The following USP10 variants were observed in gnomAD, a reference collection of about 807,000 sequenced individuals.
The protein encoded by USP10 is ubiquitin specific peptidase 10.
In USP10, 22 loss-of-function variants were observed where a neutral mutation model predicts 84.5. That is an observed-to-expected ratio of 0.26 (90% confidence interval 0.19 to 0.37). The LOEUF (loss-of-function observed/expected upper bound fraction) is 0.37. Among genes scored for constraint, USP10 ranks in the 10% least tolerant of loss-of-function variants. The pLI, the probability that USP10 is intolerant of heterozygous loss-of-function variation, is 1.00. For missense variants in USP10, 1,019 were observed against 998.9 expected (o/e 1.02, Z -0.27); for synonymous variants, 454 against 387.6 (o/e 1.17, Z -2.01).
chr16:84,763,178 C>G (rs574862595), intron 9 of USP10, 90 bp downstream of exon 9: 7 of 698,072 alleles, frequency 1.0e-5, no homozygotes, highest in African/African-American at 8.8e-5. Context: ...TTCCCTGCCC[C>G]TCAGTCGTTT....
intron 4 of USP10, among the ~76,000 whole-genome samples, chr16:84,750,087 C>G (rs543786994): frequency 6.6e-6 from 1 of 152,100 alleles, no homozygotes; most frequent in African/African-American, 2.4e-5. Flanking sequence ...GAGATGGTTG[C>G]CATTTATCAG....
At chr16:84,726,748 T>G (rs28602709) in intron 1 of USP10, among the ~76,000 whole-genome samples, 42,866 of 152,074 alleles carry the variant, frequency 0.28, 6,548 homozygotes, top group African/African-American at 0.42. Flanking sequence ...ATAAATAGCT[T>G]CTCTAGTTCA....
In USP10 at chr16:84,744,880, A is replaced by G. The variant is rs780916220; in HGVS notation, c.399A>G (p.Glu133=). 1.1e-5 allele frequency: 17 copies of G among 1,610,376 alleles called. No homozygotes were observed. The highest frequency in any genetic ancestry group is 1.4e-5 in the Non-Finnish European group (16 of 1,178,216). Residue 133 remains glutamate, a synonymous_variant, in exon 4 of 14, where the codon GAA becomes GAG. Coordinates refer to ENST00000219473, the MANE Select transcript of USP10 (RefSeq NM_005153.3). ...ALDGSSNVEA[E]VLENDGVSGG... is the part of the protein sequence containing the mutation. ...ATGGAAGTTCTAATGTGGAGGCGGAAGTTTTGGAAAATGATGGTGTCTCAG... is the reference window on the plus strand; with the variant it reads ...ATGGAAGTTCTAATGTGGAGGCGGAGGTTTTGGAAAATGATGGTGTCTCAG...
At chr16:84,761,659 C>T (rs114686537) in intron 8 of USP10, among the ~76,000 whole-genome samples, 2 of 152,238 alleles carry the variant, frequency 1.3e-5, no homozygotes, top group African/African-American at 4.8e-5. Context: ...CCCATAGGTA[C>T]CATCTGCCTG....
At chr16:84,750,807 G>C (rs2150833313) in intron 4 of USP10, among the ~76,000 whole-genome samples, 1 of 152,304 alleles carries the variant, frequency 6.6e-6, no homozygotes, top group South Asian at 2.1e-4. Context: ...CAGTGAGAGA[G>C]AACTAGGAAA....
At chr16:84,744,353 C>G (rs1910967339) in intron 3 of USP10, among the ~76,000 whole-genome samples, 1 of 152,102 alleles carries the variant, frequency 6.6e-6, no homozygotes, top group Non-Finnish European at 1.5e-5. Flanking sequence ...CAAAATATTA[C>G]TTGCTTTTTA....
chr16:84,749,228 G>C (rs1288723639), intron 4 of USP10, among the ~76,000 whole-genome samples: 2 of 152,144 alleles, frequency 1.3e-5, no homozygotes, highest in Admixed American at 6.6e-5. Flanking sequence ...TACTCAGTTT[G>C]TTACAAGTCA....
At chr16:84,710,357 C>T (rs1455544422) in intron 1 of USP10, among the ~76,000 whole-genome samples, 2 of 151,512 alleles carry the variant, frequency 1.3e-5, no homozygotes, top group Non-Finnish European at 2.9e-5. Flanking sequence ...GGATTTGATT[C>T]TTTAGGCTCT....
chr16:84,720,268 G>A (rs1039645565), intron 1 of USP10, among the ~76,000 whole-genome samples: 2 of 152,230 alleles, frequency 1.3e-5, no homozygotes, highest in African/African-American at 2.4e-5. Context: ...GTGGCCTCCA[G>A]TAGCTGGCCT....
chr16:84,761,599 A>T (rs563542333), intron 8 of USP10, among the ~76,000 whole-genome samples: 1 of 152,370 alleles, frequency 6.6e-6, no homozygotes, highest in East Asian at 1.9e-4. Context: ...GCTGCCAACC[A>T]GGGAAGGTCA....
chr16:84,727,210 C>G (rs1007505410), intron 1 of USP10, among the ~76,000 whole-genome samples: 4 of 152,212 alleles, frequency 2.6e-5, no homozygotes, highest in Non-Finnish European at 2.9e-5. Flanking sequence ...TTATCTTGCT[C>G]TGTTATGGGC....
At chr16:84,705,703 T>C (rs1394158579) in intron 1 of USP10, among the ~76,000 whole-genome samples, 5 of 150,412 alleles carry the variant, frequency 3.3e-5, no homozygotes, top group Admixed American at 6.6e-5. Flanking sequence ...GACATAATCA[T>C]GCCCTTGCTT....
In USP10 at chr16:84,779,595, T is replaced by C. The variant is rs1397537948; in HGVS notation, c.*513T>C. The C allele has an allele frequency of 6.5e-6, 1 of 152,978 alleles. No homozygotes were observed. Among genetic ancestry groups the C allele is most frequent in the East Asian group, 1.9e-4 (1 of 5,204 alleles). The allele number at this position is 152,978 out of a possible 1,614,324, so 9.5% of individuals were successfully genotyped here. The stretch of plus-strand genomic sequence containing the variant: ...AAAATAAACATAAAAAATAAGTTGC[T>C]GGTTCCTAACAGGAAAAATTTTAAT... On this transcript the variant is annotated 3_prime_UTR_variant, in exon 14 of 14. Transcript: ENST00000219473.
intron 1 of USP10, among the ~76,000 whole-genome samples, chr16:84,702,683 G>T (rs897258524): frequency 3.9e-5 from 6 of 152,054 alleles, no homozygotes; most frequent in African/African-American, 1.4e-4. Flanking sequence ...ATGGGAGGTG[G>T]AAAAAGTTAC....
chr16:84,762,090 G>A (rs1283906992), intron 8 of USP10, among the ~76,000 whole-genome samples: 1 of 152,262 alleles, frequency 6.6e-6, no homozygotes, highest in Non-Finnish European at 1.5e-5. Context: ...ATAAGTAACA[G>A]AATCAAACAC....
At chr16:84,719,490 G>A (rs1016460395) in intron 1 of USP10, among the ~76,000 whole-genome samples, 2 of 152,252 alleles carry the variant, frequency 1.3e-5, no homozygotes, top group African/African-American at 2.4e-5. Flanking sequence ...AATTGTTGCA[G>A]GTGTGGCCTG....
chr16:84,754,908 A>G (rs34536612), intron 4 of USP10, among the ~76,000 whole-genome samples: 74,205 of 151,708 alleles, frequency 0.49, 20,322 homozygotes, highest in Non-Finnish European at 0.63. Flanking sequence ...TGGGAATCCA[A>G]GGCAGGCGGA....
intron 1 of USP10, among the ~76,000 whole-genome samples, chr16:84,723,169 T>C (rs1567601213): frequency 6.6e-6 from 1 of 151,788 alleles, no homozygotes; most frequent in Admixed American, 6.6e-5. Flanking sequence ...TGGCCTTTTT[T>C]CCCCCTTATA....
At chr16:84,704,929 G>A in intron 1 of USP10, 1 of 1,533,480 alleles carries the variant, frequency 6.5e-7, no homozygotes, top group Non-Finnish European at 8.7e-7. Flanking sequence ...TCCCTTTTGG[G>A]CTCACATGAG....
Sources: gnomAD v4.1 joint callset for allele counts (sites outside exome capture counted in the v4.1 genomes callset) on GRCh38, gnomAD v4.1.1 for gene constraint, MANE v1.5 for transcripts, NCBI Gene and HGNC (gene_info 2026-07-23, HGNC 2026-07-21) for gene names.